The following NDUFAF1 variants were observed in gnomAD, a reference collection of about 807,000 sequenced individuals.
NDUFAF1 encodes NADH:ubiquinone oxidoreductase complex assembly factor 1.
In NDUFAF1, 18 loss-of-function variants were observed where a neutral mutation model predicts 28.7. The observed-to-expected ratio is 0.63, with a 90% CI of 0.43 to 0.93. The LOEUF is 0.93. Among genes scored for constraint, NDUFAF1 ranks in the 40% least tolerant of loss-of-function variants. NDUFAF1 has a pLI of 0.00. For missense variants in NDUFAF1, 404 were observed against 398.3 expected (o/e 1.01, Z -0.12); for synonymous variants, 113 against 139.7 (o/e 0.81, Z 1.35).
intron 1 of NDUFAF1, among the ~76,000 whole-genome samples, chr15:41,400,523 C>G (rs2050447669): frequency 6.8e-6 from 1 of 147,516 alleles, no homozygotes; most frequent in South Asian, 2.2e-4. Context: ...ACTCCTAATA[C>G]TTTTTTTTTT....
intron 4 of NDUFAF1, among the ~76,000 whole-genome samples, 154 bp downstream of exon 4, chr15:41,388,294 G>A (rs1052997519): frequency 6.6e-6 from 1 of 152,150 alleles, no homozygotes; most frequent in Non-Finnish European, 1.5e-5. Context: ...TGGTTCATAG[G>A]AGAGGTCTAA....
At chr15:41,392,810 T>G (rs1195900795) in intron 3 of NDUFAF1, among the ~76,000 whole-genome samples, 2 of 152,166 alleles carry the variant, frequency 1.3e-5, no homozygotes, top group African/African-American at 2.4e-5. Context: ...GAGGTACATT[T>G]ACATGCTTAC....
At chr15:41,397,440 G>C (rs1412820206) in intron 1 of NDUFAF1, among the ~76,000 whole-genome samples, 3 of 152,112 alleles carry the variant, frequency 2.0e-5, no homozygotes, top group African/African-American at 4.8e-5. Flanking sequence ...TGTAGAAATG[G>C]ATCTCCCTGG....
At chr15:41,392,913 G>C (rs999767323) in intron 3 of NDUFAF1, among the ~76,000 whole-genome samples, 2 of 152,070 alleles carry the variant, frequency 1.3e-5, no homozygotes, top group African/African-American at 4.8e-5. Flanking sequence ...AAGACAAACA[G>C]GGAAATCAAT....
At chr15:41,389,446 T>G (rs1230351828) in intron 3 of NDUFAF1, among the ~76,000 whole-genome samples, 1 of 152,086 alleles carries the variant, frequency 6.6e-6, no homozygotes, top group East Asian at 1.9e-4. Flanking sequence ...GTACAGAGTA[T>G]GCTAATTTTA....
upstream of NDUFAF1, among the ~76,000 whole-genome samples, chr15:41,402,683 C>T (rs971958352): frequency 8.6e-5 from 13 of 151,578 alleles, no homozygotes; most frequent in Admixed American, 8.5e-4. Flanking sequence ...AGTTTTTCGC[C>T]TCTCCTTCCT....
upstream of NDUFAF1, among the ~76,000 whole-genome samples, chr15:41,402,822 C>G (rs2050484253): frequency 6.7e-6 from 1 of 150,316 alleles, no homozygotes; most frequent in South Asian, 2.1e-4. Flanking sequence ...ACCTCTGCCT[C>G]CCAGATTCAA....
intron 3 of NDUFAF1, chr15:41,393,997 C>G (rs1162069011): frequency 3.4e-6 from 1 of 291,092 alleles, no homozygotes; most frequent in Non-Finnish European, 6.7e-6. Context: ...ACATGAGCCA[C>G]CACGCCTGGC....
At position 41,387,391 on chromosome 15, in the gene NDUFAF1, C is replaced by A. The variant is rs2050264641; in HGVS notation, c.*53G>T. The A allele has an allele frequency of 1.3e-6, 2 of 1,499,074 alleles. No individual in the cohort carries two copies. Among genetic ancestry groups the A allele is most frequent in the Non-Finnish European group, 1.9e-6 (2 of 1,079,436 alleles). The allele number at this position is 1,499,074 out of a possible 1,614,324, so 92.9% of individuals were successfully genotyped here. ...AAGAAATATTTTATTTTGTCTATATCATTGTAGATGCTAGTACCCTTAGAT... is the reference window on the plus strand; with the variant it reads ...AAGAAATATTTTATTTTGTCTATATAATTGTAGATGCTAGTACCCTTAGAT... On this transcript the variant is annotated 3_prime_UTR_variant, in exon 5 of 5. Transcript: ENST00000260361.
intron 1 of NDUFAF1, among the ~76,000 whole-genome samples, chr15:41,398,245 A>T (rs1458705278): frequency 6.6e-6 from 1 of 150,564 alleles, no homozygotes; most frequent in Admixed American, 6.7e-5. Flanking sequence ...TAATCTCAAC[A>T]CTTTGGGAGG....
chr15:41,389,622 A>G (rs1262989472), intron 3 of NDUFAF1, among the ~76,000 whole-genome samples: 3 of 151,836 alleles, frequency 2.0e-5, no homozygotes, highest in African/African-American at 7.3e-5. Flanking sequence ...AAAACAAAAA[A>G]CTTATCCAGC....
chr15:41,399,159 G>T (rs768955408), intron 1 of NDUFAF1, among the ~76,000 whole-genome samples: 4 of 151,970 alleles, frequency 2.6e-5, no homozygotes, highest in African/African-American at 4.8e-5. Context: ...CCAACACTTC[G>T]GGAGGCCAGG....
At chr15:41,400,720 A>ATTTTTTTTTTT (rs1555383270) in intron 1 of NDUFAF1, among the ~76,000 whole-genome samples, 1 of 107,504 alleles carries the variant, frequency 9.3e-6, no homozygotes, top group African/African-American at 3.5e-5. Context: ...TGGATTTTTA[A>ATTTTTTTTTTT]TAGAGACAGG....
chr15:41,398,177 T>A (rs909704138), intron 1 of NDUFAF1, among the ~76,000 whole-genome samples: 12 of 151,836 alleles, frequency 7.9e-5, no homozygotes, highest in Non-Finnish European at 1.8e-4. Flanking sequence ...CCGGCCTTTT[T>A]TTTTTCTTTT....
rs1189994044 is a variant in NDUFAF1 at position 41,395,658 on chromosome 15, C to T, written c.574-614G>A. Among the ~76,000 whole-genome samples, 5 of 143,008 alleles carry T rather than the reference C, an allele frequency of 3.5e-5. 1 individual carries two copies. The highest frequency in any genetic ancestry group is 7.5e-5 in the Non-Finnish European group (5 of 66,608). The allele number at this position is 143,008 out of a possible 152,430, so 93.8% of individuals were successfully genotyped here. On this transcript the variant is annotated intron_variant, in intron 2 of 4. Coordinates refer to ENST00000260361, the MANE Select transcript of NDUFAF1 (RefSeq NM_016013.4). ...GTGTGGGGATTACAGGCATGAGCCA[C>T]TGCGCCCGGCCTTTTTTTTTTTTTT...
chr15:41,387,899 G>C (rs1886528363), intron 4 of NDUFAF1, among the ~76,000 whole-genome samples: 1 of 152,068 alleles, frequency 6.6e-6, no homozygotes, highest in African/African-American at 2.4e-5. Flanking sequence ...AGATCACAAG[G>C]TCCAGTTAAA....
rs1320672892 is a variant in NDUFAF1 at position 41,401,288 on chromosome 15, T to C, written c.-82+856A>G. On this transcript the variant is annotated intron_variant, in intron 1 of 4. Transcript: ENST00000260361. ...CAACCTTTTTTTTTTTTTTTTTTTT[T>C]GAGATGGAGTCTCGCTCTGTCACCC... Among the ~76,000 whole-genome samples the C allele has an allele frequency of 3.4e-5, 5 of 146,350 alleles. No homozygotes were observed. In the East Asian group the frequency reaches 6.1e-4, roughly 18 times the overall value.
intron 3 of NDUFAF1, among the ~76,000 whole-genome samples, chr15:41,392,768 C>G (rs562572530): frequency 9.9e-5 from 15 of 152,102 alleles, no homozygotes; most frequent in Non-Finnish European, 2.2e-4. Flanking sequence ...AGCAGCAGCA[C>G]GAGAACAGAC....
intron 3 of NDUFAF1, among the ~76,000 whole-genome samples, chr15:41,393,896 A>C (rs1193899466): frequency 7.0e-6 from 1 of 143,606 alleles, no homozygotes; most frequent in Non-Finnish European, 1.5e-5. Flanking sequence ...TTTAGTAGAG[A>C]TGGGGTTTTG....
Sources: allele counts gnomAD v4.1 joint callset (sites outside exome capture counted in the v4.1 genomes callset), GRCh38; gene constraint gnomAD v4.1.1; transcripts MANE v1.5; gene names NCBI Gene and HGNC (gene_info 2026-07-23, HGNC 2026-07-21).